Variants in R3HDM1 observed in about 807,000 individuals in gnomAD.
The protein encoded by R3HDM1 is R3H domain containing 1.
A neutral mutation model predicts 141.1 loss-of-function variants in R3HDM1; 46 were observed. The observed-to-expected ratio is 0.33, with a 90% CI of 0.26 to 0.42. R3HDM1 has a LOEUF of 0.42. Ranked by LOEUF, R3HDM1 falls within the 10% of genes least tolerant of loss-of-function variation. The pLI, the probability that R3HDM1 is intolerant of heterozygous loss-of-function variation, is 1.00. For missense variants in R3HDM1, 1,184 were observed against 1,368.3 expected (o/e 0.87, Z 2.12); for synonymous variants, 435 against 472.9 (o/e 0.92, Z 1.04).
chr2:135,702,219 A>AGGG (rs2074294842), intron 21 of R3HDM1, among the ~76,000 whole-genome samples: 3 of 40,584 alleles, frequency 7.4e-5, no homozygotes, highest in Non-Finnish European at 6.2e-4. Context: ...CTCAGGGGGA[A>AGGG]AAAAAAAAAA....
rs1175231910 is a variant in R3HDM1, at chr2:135,649,997, C to T, written c.1719C>T (p.Tyr573=). ...PFLPVSPTQQ[Y]SVQDNLGSQF... ...TGCCAGTCTCACCCACCCAGCAATA[C>T]TCTGTGGTACTATATCTCTATTCAC... is the stretch of plus-strand genomic sequence containing the variant. Residue 573 remains tyrosine (Y), a synonymous_variant, in exon 17 of 27, where the codon TAC becomes TAT. Coordinates refer to ENST00000683871, the MANE Select transcript of R3HDM1 (RefSeq NM_001378107.1). 5 of 1,281,478 alleles carry T rather than the reference C, an allele frequency of 3.9e-6. No homozygotes were observed. The highest frequency in any genetic ancestry group is 1.1e-4 in the East Asian group (2 of 17,422). The allele number at this position is 1,281,478 out of a possible 1,614,324, so 79.4% of individuals were successfully genotyped here.
At chr2:135,657,099 T>TA (rs2066003236) in intron 18 of R3HDM1, among the ~76,000 whole-genome samples, 1 of 149,828 alleles carries the variant, frequency 6.7e-6, no homozygotes, top group Admixed American at 6.7e-5. Flanking sequence ...CCATCTCAAT[T>TA]AAAAAAAGAG....
At chr2:135,602,038 G>A (rs13419221) in intron 1 of R3HDM1, among the ~76,000 whole-genome samples, 4 of 126,248 alleles carry the variant, frequency 3.2e-5, no homozygotes, top group African/African-American at 1.1e-4. Flanking sequence ...TGTTATTTTT[G>A]TTTTATTTTT....
At chr2:135,687,851 C>CA (rs1450291493) in intron 21 of R3HDM1, among the ~76,000 whole-genome samples, 1 of 152,158 alleles carries the variant, frequency 6.6e-6, no homozygotes, top group Admixed American at 6.5e-5. Context: ...TTTACAAGAA[C>CA]ACTCAGCTGA....
intron 14 of R3HDM1, among the ~76,000 whole-genome samples, chr2:135,640,430 A>C (rs2063684675): frequency 6.6e-6 from 1 of 152,242 alleles, no homozygotes; most frequent in Non-Finnish European, 1.5e-5. Context: ...TTTATGTATC[A>C]TGAGAAAATT....
intron 20 of R3HDM1, among the ~76,000 whole-genome samples, chr2:135,678,801 C>T (rs2069686501): frequency 6.8e-6 from 1 of 147,336 alleles, no homozygotes; most frequent in African/African-American, 2.5e-5. Context: ...CACTCTGTCA[C>T]CCAGGCTAGA....
chr2:135,600,481 C>G (rs1038210707), intron 1 of R3HDM1, among the ~76,000 whole-genome samples: 5 of 152,160 alleles, frequency 3.3e-5, no homozygotes, highest in African/African-American at 1.2e-4. Context: ...GTGGTCCGTG[C>G]TCTACATTTA....
chr2:135,540,164 C>T (rs1331028921), intron 1 of R3HDM1, among the ~76,000 whole-genome samples: 4 of 152,158 alleles, frequency 2.6e-5, no homozygotes, highest in Admixed American at 1.3e-4. Flanking sequence ...TTTGCTCATC[C>T]GTAATCATGA....
At chr2:135,608,462 A>C (rs1330044158) in intron 3 of R3HDM1, among the ~76,000 whole-genome samples, 1 of 152,176 alleles carries the variant, frequency 6.6e-6, no homozygotes, top group East Asian at 1.9e-4. Flanking sequence ...AGATTTAATT[A>C]ATGGAAATTG....
At chr2:135,555,561 C>T (rs539040002) in intron 1 of R3HDM1, among the ~76,000 whole-genome samples, 1 of 152,174 alleles carries the variant, frequency 6.6e-6, no homozygotes, top group African/African-American at 2.4e-5. Context: ...AATTCCACTC[C>T]TAGGTATATA....
At chr2:135,616,912 A>G (rs771948275) in intron 5 of R3HDM1, among the ~76,000 whole-genome samples, 155 bp downstream of exon 5, 2 of 152,232 alleles carry the variant, frequency 1.3e-5, no homozygotes, top group African/African-American at 2.4e-5. Context: ...AAAGTTAGAA[A>G]ACCTCTTTGC....
intron 1 of R3HDM1, among the ~76,000 whole-genome samples, chr2:135,542,195 G>A (rs1697747557): frequency 6.6e-6 from 1 of 152,182 alleles, no homozygotes; most frequent in African/African-American, 2.4e-5. Flanking sequence ...GGATTTTGAA[G>A]CATTTTGGAT....
At position 135,638,905 on chromosome 2, in the gene R3HDM1, A is replaced by G; in HGVS notation, c.1002A>G (p.Lys334=). ...QQRRQIFRVN[K]DASGRSTNSH... is the part of the protein sequence containing the mutation. ...TATTTCTAAATTACAGAGTTAATAA[A>G]GATGCTTCAGGGAGATCTACAAATA... The change falls in exon 14 of 27, where the codon AAA becomes AAG. Residue 334 remains lysine (K), a synonymous_variant. Coordinates refer to ENST00000683871, the MANE Select transcript of R3HDM1 (RefSeq NM_001378107.1). 6.2e-7 allele frequency: 1 copy of G among 1,613,906 alleles called. No homozygotes were observed. Among genetic ancestry groups the G allele is most frequent in the South Asian group, 1.1e-5 (1 of 91,036 alleles).
intron 1 of R3HDM1, among the ~76,000 whole-genome samples, chr2:135,583,357 G>A (rs1186804621): frequency 6.6e-6 from 1 of 152,066 alleles, no homozygotes; most frequent in Non-Finnish European, 1.5e-5. Flanking sequence ...TACAGCATAG[G>A]TGATTTTTTT....
chr2:135,617,559 C>T (rs1013410124), intron 5 of R3HDM1, among the ~76,000 whole-genome samples: 4 of 152,028 alleles, frequency 2.6e-5, no homozygotes, highest in Non-Finnish European at 4.4e-5. Flanking sequence ...TCTAATTTCT[C>T]ACATATCTAT....
intron 7 of R3HDM1, among the ~76,000 whole-genome samples, chr2:135,629,882 A>G (rs1425672996): frequency 6.6e-6 from 1 of 152,136 alleles, no homozygotes; most frequent in Non-Finnish European, 1.5e-5. Context: ...TTCATGTAGA[A>G]TAGATTAGGG....
chr2:135,632,518 T>C (rs376236734), intron 9 of R3HDM1, among the ~76,000 whole-genome samples: 1 of 152,194 alleles, frequency 6.6e-6, no homozygotes, highest in East Asian at 1.9e-4. Flanking sequence ...TCCTGGGCTA[T>C]GTATGATTCT....
At chr2:135,561,047 A>C (rs954696970) in intron 1 of R3HDM1, among the ~76,000 whole-genome samples, 7 of 152,244 alleles carry the variant, frequency 4.6e-5, no homozygotes, top group Admixed American at 6.5e-5. Flanking sequence ...TGGTACAACC[A>C]AGACAAAAGT....
At chr2:135,547,026 G>A (rs1353578354) in intron 1 of R3HDM1, among the ~76,000 whole-genome samples, 1 of 152,048 alleles carries the variant, frequency 6.6e-6, no homozygotes, top group Non-Finnish European at 1.5e-5. Context: ...ATTTTAATAA[G>A]TTGATTTGAG....
Sources: gnomAD v4.1 joint callset for allele counts (sites outside exome capture counted in the v4.1 genomes callset) on GRCh38, gnomAD v4.1.1 for gene constraint, MANE v1.5 for transcripts, NCBI Gene and HGNC (gene_info 2026-07-23, HGNC 2026-07-21) for gene names.